Variants in DST observed in about 807,000 individuals in gnomAD.
DST encodes the protein dystonin, also known as bullous pemphigoid antigen.
DST carries 253 observed loss-of-function variants against 875.2 expected under a neutral mutation model. That is an observed-to-expected ratio of 0.29 (90% CI 0.26 to 0.32). DST has a LOEUF of 0.32. DST is among the 10% of genes least tolerant of loss of function. DST has a pLI of 1.00. For synonymous variants in DST, 3,124 were observed against 3,197.1 expected (o/e 0.98, Z 0.77); for missense variants, 8,287 against 9,111.6 (o/e 0.91, Z 3.68).
intron 69 of DST, among the ~76,000 whole-genome samples, chr6:56,519,070 G>C (rs1400767940): frequency 6.6e-6 from 1 of 152,048 alleles, no homozygotes; most frequent in Non-Finnish European, 1.5e-5. Flanking sequence ...GGAGAGAAGA[G>C]GACAGAACTA....
intron 61 of DST, among the ~76,000 whole-genome samples, chr6:56,551,732 G>T (rs962669791): frequency 6.6e-6 from 1 of 152,110 alleles, no homozygotes; most frequent in Admixed American, 6.5e-5. Flanking sequence ...TGAGCTTTTA[G>T]AAGAAAAATG....
chr6:56,894,953 C>T lies in DST; in HGVS notation c.417+5468G>A, dbSNP rs1790356187. 2.1e-5 allele frequency among the ~76,000 whole-genome samples: 2 copies of T among 95,938 alleles called. 1 individual carries two copies. Among genetic ancestry groups the T allele is most frequent in the African/African-American group, 1.1e-4 (2 of 17,574 alleles). The allele number at this position is 95,938 out of a possible 152,430, so 62.9% of individuals were successfully genotyped here. A position where few individuals can be genotyped will look rare whatever the true frequency, so the allele number is the denominator to read the frequency against. On this transcript the variant is annotated intron_variant, in intron 3 of 103. Coordinates refer to ENST00000680361, the MANE Select transcript of DST (RefSeq NM_001374736.1). ...GCCGGGCAGAGGCGCCCCTCACCTCCCGGACGGGGCGGCTGGCCAGGCGGG... is the reference window on the plus strand; with the variant it reads ...GCCGGGCAGAGGCGCCCCTCACCTCTCGGACGGGGCGGCTGGCCAGGCGGG...
At chr6:56,690,414 G>A (rs917413554) in intron 9 of DST, among the ~76,000 whole-genome samples, 12 of 152,104 alleles carry the variant, frequency 7.9e-5, no homozygotes, top group African/African-American at 2.7e-4. Context: ...AGGGCTGGAT[G>A]AATGGCCTCC....
At chr6:56,555,083 A>T (rs1267483524) in intron 60 of DST, among the ~76,000 whole-genome samples, 2 of 152,216 alleles carry the variant, frequency 1.3e-5, no homozygotes, top group African/African-American at 4.8e-5. Context: ...TTTAAAAACC[A>T]GTTTGGGGTA....
chr6:56,662,838 A>T (rs991438846), intron 10 of DST, among the ~76,000 whole-genome samples: 4 of 152,056 alleles, frequency 2.6e-5, no homozygotes, highest in African/African-American at 9.7e-5. Context: ...AGTCCCAACT[A>T]CTCAGGAGGC....
chr6:56,476,192 G>A lies in DST; in HGVS notation c.21821C>T (p.Pro7274Leu), dbSNP rs1250221052. Residue 7274 changes from proline (P) to leucine (L), a missense_variant, in exon 92 of 104, where the codon CCC (proline) becomes CTC (leucine). Coordinates refer to ENST00000680361, the MANE Select transcript of DST (RefSeq NM_001374736.1). ...TGCTTTCACCTCTTCGATCTCCTGG[G>A]GGATGACTTCTTTATCCTTATCAGT... is the stretch of plus-strand genomic sequence containing the variant. ...TLTDKDKEVI[P>L]QEIEEVKALI... 1 of 1,612,908 alleles carries A rather than the reference G, an allele frequency of 6.2e-7. No homozygotes were observed. Among genetic ancestry groups the A allele is most frequent in the East Asian group, 2.2e-5 (1 of 44,870 alleles).
Position 56,504,233 on chromosome 6 carries a change from A to C in DST, c.19465-135T>G, listed in dbSNP as rs960873037. 8.0e-6 allele frequency: 5 copies of C among 623,554 alleles called. No homozygotes were observed. In the Admixed American group the frequency reaches 1.5e-4, roughly 19 times the overall value. The allele number at this position is 623,554 out of a possible 1,614,324, so 38.6% of individuals were successfully genotyped here. A position where few individuals can be genotyped will look rare whatever the true frequency, so the allele number is the denominator to read the frequency against. On this transcript the variant is annotated intron_variant, in intron 77 of 103. Coordinates refer to ENST00000680361, the MANE Select transcript of DST (RefSeq NM_001374736.1). Reference sequence around the variant, plus strand: ...TTAGACTATTTTATAAAAAATTAACATGGTTCACCTAAATTAGTAAAAGCA... The same window carrying C: ...TTAGACTATTTTATAAAAAATTAACCTGGTTCACCTAAATTAGTAAAAGCA...
intron 2 of DST, among the ~76,000 whole-genome samples, chr6:56,908,498 T>A (rs1797431747): frequency 6.6e-6 from 1 of 152,202 alleles, no homozygotes; most frequent in Non-Finnish European, 1.5e-5. Flanking sequence ...AAATATTAAG[T>A]TGTAGTGCCT....
rs140218270 is a variant in DST, at chr6:56,772,549, T to C, written c.626-37260A>G. Among the ~76,000 whole-genome samples, 14 of 152,350 alleles carry C rather than the reference T, an allele frequency of 9.2e-5. No individual in the cohort carries two copies. The East Asian group carries it at 2.5e-3, about 27-fold the overall frequency. ...TTTAAAACCTATGAAGTTAAAGGAATGCCCCATATGACCTTTAAAACTGCT... is the reference window on the plus strand; with the variant it reads ...TTTAAAACCTATGAAGTTAAAGGAACGCCCCATATGACCTTTAAAACTGCT... On this transcript the variant is annotated intron_variant, in intron 4 of 103. Transcript: ENST00000680361.
Position 56,557,487 on chromosome 6 carries a change from T to G in DST, c.14472A>C (p.Thr4824=). Residue 4824 remains threonine (T), a synonymous_variant, in exon 59 of 104, where the codon ACA becomes ACC. Transcript: ENST00000680361. ...CTTCCAGTTTTTGTTGTCTATCAAT[T>G]GTTAATTGATTGAGTTCTTGCCACT... The part of the protein sequence containing the change: ...DSKWQELNQL[T]IDRQQKLEES... The G allele has an allele frequency of 1.2e-6, 2 of 1,613,274 alleles. No individual in the cohort carries two copies. The highest frequency in any genetic ancestry group is 1.7e-6 in the Non-Finnish European group (2 of 1,179,486).
chr6:56,639,739 G>A lies in DST; in HGVS notation c.2654C>T (p.Ala885Val), dbSNP rs1166797711. 2 of 1,613,356 alleles carry A rather than the reference G, an allele frequency of 1.2e-6. No homozygotes were observed. Among genetic ancestry groups the A allele is most frequent in the Non-Finnish European group, 1.7e-6 (2 of 1,179,800 alleles). The change falls in exon 20 of 104, where the codon GCA becomes GTA. Residue 885 changes from alanine (A) to valine (V), a missense_variant. Physicochemically the swap from Ala to Val is moderately conservative, Grantham distance 64 (BLOSUM62 0). Coordinates refer to ENST00000680361, the MANE Select transcript of DST (RefSeq NM_001374736.1). Reference sequence around the variant, plus strand: ...ACTCTCTAATCTGTGCAACTTTTCTGCATAAGTCAGTTTAAGAGGTGCTGT... The same window carrying A: ...ACTCTCTAATCTGTGCAACTTTTCTACATAAGTCAGTTTAAGAGGTGCTGT... ...QMTAPLKLTY[A>V]EKLHRLESQY...
At chr6:56,522,329 C>T (rs766072235) in intron 69 of DST, among the ~76,000 whole-genome samples, 5 of 152,070 alleles carry the variant, frequency 3.3e-5, no homozygotes, top group Admixed American at 6.6e-5. Flanking sequence ...GAGATTCTAA[C>T]GAAGGTGGTC....
intron 4 of DST, among the ~76,000 whole-genome samples, chr6:56,784,651 T>C (rs575303657): frequency 1.2e-3 from 188 of 152,320 alleles, no homozygotes; most frequent in African/African-American, 4.3e-3. Context: ...AGTTTTCAAC[T>C]TCTTTGCCTT....
At chr6:56,584,628 A>G (rs1009628478) in intron 49 of DST, among the ~76,000 whole-genome samples, 2 of 151,608 alleles carry the variant, frequency 1.3e-5, no homozygotes, top group East Asian at 1.9e-4. Flanking sequence ...TTCCAACACT[A>G]TGTTGAATAG....
intron 3 of DST, among the ~76,000 whole-genome samples, chr6:56,858,327 T>G (rs1355369739): frequency 6.6e-6 from 1 of 151,554 alleles, no homozygotes; most frequent in African/African-American, 2.4e-5. Context: ...CATCAGCCTA[T>G]GAAAGAACAC....
rs1194879252 is a variant in DST at position 56,555,384 on chromosome 6, C to T, written c.15097G>A (p.Gly5033Ser). 6.2e-7 allele frequency: 1 copy of T among 1,605,980 alleles called. No homozygotes were observed. The highest frequency in any genetic ancestry group is 8.5e-7 in the Non-Finnish European group (1 of 1,175,406). ...LKAELSRQLE[G>S]ILKSFKDVEQ... is the part of the protein sequence containing the mutation. ...ACATCCTTAAATGATTTTAAGATGC[C>T]TTCTAGTTGCCTACTAAGTTCTGCT... The change falls in exon 60 of 104, where the codon GGC becomes AGC. Residue 5033 changes from glycine (G) to serine (S), a missense_variant. Around this residue, in one of 10 missense-constraint regions of DST, gnomAD observed 1,513 missense variants for 1,677.8 expected, o/e 0.90. Coordinates refer to ENST00000680361, the MANE Select transcript of DST (RefSeq NM_001374736.1).
chr6:56,700,753 T>G, intron 8 of DST, among the ~76,000 whole-genome samples: 1 of 152,156 alleles, frequency 6.6e-6, no homozygotes, highest in Admixed American at 6.6e-5. Flanking sequence ...ACATTTTACT[T>G]CTTGGACAAA....
chr6:56,492,887 G>T (rs1376704190), intron 84 of DST, 47 bp downstream of exon 84: 7 of 1,155,170 alleles, frequency 6.1e-6, no homozygotes, highest in East Asian at 5.7e-5. Context: ...AAAAAAAAAA[G>T]CCTGGTGTCT....
intron 47 of DST, among the ~76,000 whole-genome samples, chr6:56,595,997 ACTTT>A (rs111779308): frequency 0.061 from 4,867 of 79,452 alleles, 259 homozygotes; most frequent in African/African-American, 0.15. Context: ...CCAGATTAGG[ACTTT>A]CTTTCTTTTA....
Sources: allele counts gnomAD v4.1 joint callset (sites outside exome capture counted in the v4.1 genomes callset), GRCh38; gene constraint gnomAD v4.1.1; regional missense constraint gnomAD v4.1.1; transcripts MANE v1.5; gene names NCBI Gene and HGNC (gene_info 2026-07-23, HGNC 2026-07-21).